PTPRD: variants seen among roughly 807,000 people sequenced by gnomAD.
PTPRD encodes protein tyrosine phosphatase receptor type D, also known as receptor-type tyrosine-protein phosphatase delta.
Under a neutral mutation model 214.5 loss-of-function variants are expected in PTPRD, and 34 were observed. The ratio of observed to expected loss-of-function variants is 0.16; its 90% confidence interval spans 0.12 to 0.21. The LOEUF (loss-of-function observed/expected upper bound fraction) is 0.21. Ranked by LOEUF, PTPRD falls within the 10% of genes least tolerant of loss-of-function variation. The pLI, the probability that PTPRD is intolerant of heterozygous loss-of-function variation, is 1.00. For synonymous variants in PTPRD, 1,128 were observed against 845.7 expected (o/e 1.33, Z -5.79); for missense variants, 2,545 against 2,398.7 (o/e 1.06, Z -1.27).
intron 9 of PTPRD, among the ~76,000 whole-genome samples, chr9:9,285,870 A>ATATCTG (rs1259102095): frequency 6.6e-6 from 1 of 151,696 alleles, no homozygotes; most frequent in South Asian, 2.1e-4. Context: ...ATATCTATCT[A>ATATCTG]TATCTGTATC....
intron 3 of PTPRD, among the ~76,000 whole-genome samples, chr9:10,289,677 G>A (rs939676496): frequency 6.6e-6 from 1 of 152,088 alleles, no homozygotes; most frequent in African/African-American, 2.4e-5. Flanking sequence ...CAGCACTCTA[G>A]GACATTGTAA....
intron 9 of PTPRD, among the ~76,000 whole-genome samples, chr9:9,189,348 G>T (rs1056315771): frequency 3.9e-5 from 6 of 152,022 alleles, no homozygotes; most frequent in Non-Finnish European, 8.8e-5. Context: ...GGCTAACGTA[G>T]TAGTTAACTG....
intron 11 of PTPRD, among the ~76,000 whole-genome samples, chr9:8,748,190 C>T (rs7862573): frequency 3.9e-5 from 6 of 151,940 alleles, no homozygotes; most frequent in Admixed American, 1.3e-4. Context: ...CTGTTGAGAG[C>T]GGGGACTGAG....
At position 8,814,120 on chromosome 9, in the gene PTPRD, T is replaced by G. The variant is rs528407172; in HGVS notation, c.-103-80174A>C. On this transcript the variant is annotated intron_variant, in intron 11 of 45. Transcript: ENST00000381196. ...CAATAAAAGTTTATTGATTTAGAAC[T>G]AAATACAAATTATACACATAATAAG... 8.5e-5 allele frequency among the ~76,000 whole-genome samples: 13 copies of G among 152,216 alleles called. No individual in the cohort carries two copies. The East Asian group carries it at 2.5e-3, about 30-fold the overall frequency.
intron 7 of PTPRD, among the ~76,000 whole-genome samples, chr9:9,685,826 G>A (rs2097157080): frequency 6.6e-6 from 1 of 151,094 alleles, no homozygotes; most frequent in Non-Finnish European, 1.5e-5. Context: ...AGTACTTAAA[G>A]CTCTACAACT....
chr9:8,992,171 C>T (rs764200787), intron 11 of PTPRD, among the ~76,000 whole-genome samples: 1 of 151,986 alleles, frequency 6.6e-6, no homozygotes, highest in Non-Finnish European at 1.5e-5. Context: ...ACTATTTAAC[C>T]CTGAATGGCT....
intron 3 of PTPRD, among the ~76,000 whole-genome samples, chr9:10,264,132 G>A (rs1449133004): frequency 6.6e-6 from 1 of 152,176 alleles, no homozygotes; most frequent in Admixed American, 6.5e-5. Flanking sequence ...TTTGCTTCAG[G>A]AGTGGAGTCC....
chr9:9,991,486 C>T (rs562528224), intron 4 of PTPRD, among the ~76,000 whole-genome samples: 4 of 151,804 alleles, frequency 2.6e-5, no homozygotes, highest in African/African-American at 9.7e-5. Flanking sequence ...CTCAGCCTCC[C>T]GAGTAGCTGG....
At chr9:9,343,084 A>G (rs994761311) in intron 9 of PTPRD, among the ~76,000 whole-genome samples, 16 of 152,262 alleles carry the variant, frequency 1.1e-4, no homozygotes, top group Admixed American at 3.9e-4. Context: ...ATAGCTGCAT[A>G]GTATTCCATG....
intron 7 of PTPRD, among the ~76,000 whole-genome samples, chr9:9,715,445 A>G (rs2097802086): frequency 6.6e-6 from 1 of 152,182 alleles, no homozygotes. Context: ...AGAAAGCCGT[A>G]TTAGTGCCTT....
Position 9,428,077 on chromosome 9 carries a change from G to A in PTPRD, c.-236-30595C>T, listed in dbSNP as rs1481323404. 2.6e-5 allele frequency among the ~76,000 whole-genome samples: 4 copies of A among 152,134 alleles called. No homozygotes were observed. In the East Asian group the frequency reaches 7.7e-4, roughly 29 times the overall value. On this transcript the variant is annotated intron_variant, in intron 8 of 45. Coordinates refer to ENST00000381196, the MANE Select transcript of PTPRD (RefSeq NM_002839.4). Reference sequence around the variant, plus strand: ...ACCCATAACAATATTAACCTTAAATGTATATGGGCTAAATGTTACAATTAA... The same window carrying A: ...ACCCATAACAATATTAACCTTAAATATATATGGGCTAAATGTTACAATTAA...
chr9:8,686,761 C>T (rs963933572), intron 12 of PTPRD, among the ~76,000 whole-genome samples: 9 of 152,152 alleles, frequency 5.9e-5, no homozygotes, highest in African/African-American at 2.2e-4. Context: ...CCATGAGTCA[C>T]TGAAACTACA....
intron 12 of PTPRD, among the ~76,000 whole-genome samples, chr9:8,692,197 G>A (rs367649796): frequency 9.2e-5 from 14 of 152,314 alleles, no homozygotes; most frequent in African/African-American, 2.6e-4. Flanking sequence ...GCCAGCAGGT[G>A]GATTAGAGAA....
intron 9 of PTPRD, among the ~76,000 whole-genome samples, chr9:9,245,794 T>C: frequency 6.6e-6 from 1 of 152,040 alleles, no homozygotes; most frequent in Non-Finnish European, 1.5e-5. Context: ...ATATACAATG[T>C]CCCTTTGTCA....
chr9:9,533,109 C>T (rs2154265772), intron 8 of PTPRD, among the ~76,000 whole-genome samples: 1 of 152,190 alleles, frequency 6.6e-6, no homozygotes, highest in Middle Eastern at 3.4e-3. Flanking sequence ...ATATAGATAG[C>T]AGTGCTATTA....
chr9:9,631,027 G>T (rs2095573103), intron 7 of PTPRD, among the ~76,000 whole-genome samples: 1 of 151,946 alleles, frequency 6.6e-6, no homozygotes, highest in Non-Finnish European at 1.5e-5. Flanking sequence ...ACTATAAAGA[G>T]GTAGGCATGA....
intron 12 of PTPRD, among the ~76,000 whole-genome samples, chr9:8,678,894 C>A (rs1017877327): frequency 2.6e-5 from 4 of 152,112 alleles, no homozygotes; most frequent in Admixed American, 2.6e-4. Flanking sequence ...TTTAAACAAC[C>A]TAAAATAAAA....
At chr9:9,851,072 T>C (rs1472215532) in intron 5 of PTPRD, among the ~76,000 whole-genome samples, 3 of 152,180 alleles carry the variant, frequency 2.0e-5, no homozygotes, top group Non-Finnish European at 4.4e-5. Flanking sequence ...GGGATCACAA[T>C]ACCTAAAAGT....
chr9:8,624,026 C>G (rs998573587), intron 14 of PTPRD, among the ~76,000 whole-genome samples: 2 of 151,864 alleles, frequency 1.3e-5, no homozygotes, highest in African/African-American at 4.8e-5. Context: ...AATCATAAAA[C>G]AGTTATAGAT....
Sources: allele counts gnomAD v4.1 joint callset (sites outside exome capture counted in the v4.1 genomes callset), GRCh38; gene constraint gnomAD v4.1.1; transcripts MANE v1.5; gene names NCBI Gene and HGNC (gene_info 2026-07-23, HGNC 2026-07-21).